The following CSHL1 variants were observed in gnomAD, a reference collection of about 807,000 sequenced individuals.
CSHL1 encodes the protein chorionic somatomammotropin hormone-like 1.
In CSHL1, 25 loss-of-function variants were observed where a neutral mutation model predicts 24.3. The ratio of observed to expected loss-of-function variants is 1.03; its 90% CI spans 0.75 to 1.44. The LOEUF is 1.44. CSHL1 is among the 40% of genes most tolerant of loss of function. CSHL1 has a pLI of 0.00. For synonymous variants in CSHL1, 157 were observed against 115.6 expected (o/e 1.36, Z -2.30); for missense variants, 342 against 279.3 (o/e 1.22, Z -1.60).
At chr17:63,911,131 G>A (rs1215542296) in intron 1 of CSHL1, 56 bp downstream of exon 1, 1 of 1,612,392 alleles carries the variant, frequency 6.2e-7, no homozygotes, top group East Asian at 2.2e-5. Context: ...CATCTGCAGG[G>A]CGCCGCCTCT....
At chr17:63,910,067 G>A (rs192427698) in intron 4 of CSHL1, 95 bp downstream of exon 4, 16 of 1,614,150 alleles carry the variant, frequency 9.9e-6, no homozygotes, top group African/African-American at 2.7e-5. Context: ...TTGGGTCAGC[G>A]CCTGACTGCT....
rs1224507418 is a variant in CSHL1 at position 63,909,829 on chromosome 17, T to A, written c.551A>T (p.His184Leu). The A allele has an allele frequency of 2.2e-5, 36 of 1,613,910 alleles. No individual in the cohort carries two copies. The highest frequency in any genetic ancestry group is 3.1e-5 in the Non-Finnish European group (36 of 1,179,862). Residue 184 changes from histidine (H) to leucine (L), a missense_variant, in exon 5 of 5, where the codon CAT (histidine) becomes CTT (leucine). Coordinates refer to ENST00000309894, the MANE Select transcript of CSHL1 (RefSeq NM_022579.3). ...CCCGTAGTTCTTGAGCAGTGCGTCA[T>A]GGTTGTGCGAGTTTGTGTCAAACTT... ...YSKFDTNSHN[H>L]DALLKNYGLL...
intron 1 of CSHL1, 22 bp from the exon 2 acceptor site, chr17:63,910,946 A>G (rs746256991): frequency 1.9e-6 from 3 of 1,612,766 alleles, no homozygotes; most frequent in African/African-American, 2.7e-5. Flanking sequence ...CCGGAGGGCA[A>G]GAAGGGAGCC....
In CSHL1 at chr17:63,910,939, G is replaced by C. The variant is rs1906953059; in HGVS notation, c.11-15C>G. 1 of 1,613,674 alleles carries C rather than the reference G, an allele frequency of 6.2e-7. No individual in the cohort carries two copies. The highest frequency in any genetic ancestry group is 8.5e-7 in the Non-Finnish European group (1 of 1,179,922). On this transcript the variant is annotated splice_polypyrimidine_tract_variant and intron_variant, in intron 1 of 4. Coordinates refer to ENST00000309894, the MANE Select transcript of CSHL1 (RefSeq NM_022579.3). Reference sequence around the variant, plus strand: ...CGTCCGGGAGCCTGGGGAGAAACCGGAGGGCAAGAAGGGAGCCGCAGAGCA... The same window carrying C: ...CGTCCGGGAGCCTGGGGAGAAACCGCAGGGCAAGAAGGGAGCCGCAGAGCA...
rs146908988 is a variant in CSHL1, at chr17:63,909,750, C to G, written c.630G>C (p.Met210Ile). The change falls in exon 5 of 5, where the codon ATG becomes ATC. Residue 210 changes from methionine (M) to isoleucine (I), a missense_variant. Coordinates refer to ENST00000309894, the MANE Select transcript of CSHL1 (RefSeq NM_022579.3). ...DMDKVETFLR[M>I]VQCRSVEGSC... The stretch of plus-strand genomic sequence containing the variant: ...TGCCCTCCACAGAGCGGCACTGCAC[C>G]ATGCGCAGGAATGTCTCGACCTTGT... 3,033 of 1,613,796 alleles carry G rather than the reference C, an allele frequency of 1.9e-3. 59 individuals are homozygous for G. The African/African-American group carries it at 0.035, about 19-fold the overall frequency.
Position 63,909,755 on chromosome 17 carries a change from G to C in CSHL1, c.625C>G (p.Arg209Gly), listed in dbSNP as rs778533335. The C allele has an allele frequency of 7.4e-6, 12 of 1,614,106 alleles. No individual in the cohort carries two copies. The highest frequency in any genetic ancestry group is 1.7e-4 in the Middle Eastern group (1 of 6,060). ...KDMDKVETFL[R>G]MVQCRSVEGS... is the part of the protein sequence containing the mutation. ...TCCACAGAGCGGCACTGCACCATGC[G>C]CAGGAATGTCTCGACCTTGTCCATG... is the stretch of plus-strand genomic sequence containing the variant. Residue 209 changes from arginine (R) to glycine (G), a missense_variant, in exon 5 of 5, where the codon CGC becomes GGC. Physicochemically the swap from Arg to Gly is moderately radical, Grantham distance 125. Coordinates refer to ENST00000309894, the MANE Select transcript of CSHL1 (RefSeq NM_022579.3).
Position 63,910,294 on chromosome 17 carries a change from G to T in CSHL1, c.339C>A (p.Leu113=), listed in dbSNP as rs775926324. The change falls in exon 4 of 5, where the codon CTC becomes CTA. Residue 113 remains leucine, a synonymous_variant. Transcript: ENST00000309894. The part of the protein sequence containing the change: ...NLELLHISLL[L]IESRLEPVRF... ...GCACGGGCTCCAGCCGCGACTCGAT[G>T]AGCAGCAGGGAGATGTGGAGCAGCT... The T allele has an allele frequency of 1.2e-6, 2 of 1,614,024 alleles. No homozygotes were observed. Among genetic ancestry groups the T allele is most frequent in the African/African-American group, 2.7e-5 (2 of 74,928 alleles).
In CSHL1 at chr17:63,909,615, C is replaced by G. The variant is rs1906666624; in HGVS notation, c.*96G>C. On this transcript the variant is annotated 3_prime_UTR_variant, in exon 5 of 5. Transcript: ENST00000309894. ...CACCTAGTCAGATGAAACAATACAA[C>G]TTAATTTTATTAAGACAAGGCTGGT... is the stretch of plus-strand genomic sequence containing the variant. The G allele has an allele frequency of 5.1e-5, 82 of 1,594,056 alleles. 1 individual carries two copies. The South Asian group carries it at 8.5e-4, about 17-fold the overall frequency.
At chr17:63,911,118 T>A in intron 1 of CSHL1, 69 bp downstream of exon 1, 1 of 1,612,122 alleles carries the variant, frequency 6.2e-7, no homozygotes, top group Non-Finnish European at 8.5e-7. Context: ...AGTGCCCCCG[T>A]CCCATCTGCA....
chr17:63,910,877 A>G lies in CSHL1; in HGVS notation c.58T>C (p.Trp20Arg), dbSNP rs779355923. The G allele has an allele frequency of 1.9e-5, 31 of 1,614,076 alleles. No individual in the cohort carries two copies. The highest frequency in any genetic ancestry group is 2.5e-5 in the Non-Finnish European group (30 of 1,180,046). ...TGGACGGCACCAGCCTCTTGAAGCC[A>G]GGGCAGGCAGAGCAGGGCAAAAGCC... ...LLAFALLCLP[W>R]LQEAGAVQTV... The change falls in exon 2 of 5, where the codon TGG becomes CGG. Residue 20 changes from tryptophan (W) to arginine (R), a missense_variant. Coordinates refer to ENST00000309894, the MANE Select transcript of CSHL1 (RefSeq NM_022579.3).
chr17:63,910,162 C>A lies in CSHL1; in HGVS notation c.471G>T (p.Gly157=), dbSNP rs866448183. Residue 157 remains glycine (G), a splice_region_variant and synonymous_variant, in exon 4 of 5, where the codon GGG becomes GGT. Coordinates refer to ENST00000309894, the MANE Select transcript of CSHL1 (RefSeq NM_022579.3). ...DLEEGIQMLM[G]RLEDGSHLTG... ...TGGGGACCCCTGGTGCCACCCTCAC[C>A]CCCATCAGCATTTGGATGCCTTCCT... is the stretch of plus-strand genomic sequence containing the variant. 6.2e-7 allele frequency: 1 copy of A among 1,614,078 alleles called. No individual in the cohort carries two copies. Among genetic ancestry groups the A allele is most frequent in the Non-Finnish European group, 8.5e-7 (1 of 1,180,044 alleles).
Position 63,909,685 on chromosome 17 carries a change from G to C in CSHL1, c.*26C>G. ...TCAGGGCCAGGAGAGGCACTGGGGA[G>C]GGGTCACAGGATGCCACGCGGGCCC... On this transcript the variant is annotated 3_prime_UTR_variant, in exon 5 of 5. Transcript: ENST00000309894. The C allele has an allele frequency of 6.2e-7, 1 of 1,614,096 alleles. No individual in the cohort carries two copies. The highest frequency in any genetic ancestry group is 8.5e-7 in the Non-Finnish European group (1 of 1,180,014).
intron 2 of CSHL1, 88 bp from the exon 3 acceptor site, chr17:63,910,623 G>T (rs1906891535): frequency 6.2e-7 from 1 of 1,613,912 alleles, no homozygotes; most frequent in Non-Finnish European, 8.5e-7. Context: ...TGGGAACCTG[G>T]CTCAGCCTAT....
At position 63,911,247 on chromosome 17, in the gene CSHL1, C is replaced by T. The variant is rs376521894; in HGVS notation, c.-51G>A. ...ACCCTGAGTGGTGCGGGGAGTCGGG[C>T]CTTGGGATGCTGGAGCTGGTCTCTT... On this transcript the variant is annotated 5_prime_UTR_variant, in exon 1 of 5. Coordinates refer to ENST00000309894, the MANE Select transcript of CSHL1 (RefSeq NM_022579.3). 6.5e-5 allele frequency: 105 copies of T among 1,613,858 alleles called. No homozygotes were observed. Among genetic ancestry groups the T allele is most frequent in the Non-Finnish European group, 8.7e-5 (103 of 1,179,876 alleles).
Position 63,911,235 on chromosome 17 carries a change from C to G in CSHL1, c.-39G>C, listed in dbSNP as rs368972424. ...GCTGTCCACAGGACCCTGAGTGGTG[C>G]GGGGAGTCGGGCCTTGGGATGCTGG... is the stretch of plus-strand genomic sequence containing the variant. On this transcript the variant is annotated 5_prime_UTR_variant, in exon 1 of 5. Coordinates refer to ENST00000309894, the MANE Select transcript of CSHL1 (RefSeq NM_022579.3). 3.1e-6 allele frequency: 5 copies of G among 1,613,872 alleles called. No homozygotes were observed. Among genetic ancestry groups the G allele is most frequent in the South Asian group, 2.2e-5 (2 of 91,074 alleles).
At position 63,910,562 on chromosome 17, in the gene CSHL1, A is replaced by G. The variant is rs758494674; in HGVS notation, c.191-27T>C. 4.3e-6 allele frequency: 7 copies of G among 1,614,160 alleles called. No individual in the cohort carries two copies. The South Asian group carries it at 6.6e-5, about 15-fold the overall frequency. On this transcript the variant is annotated intron_variant, in intron 2 of 4. Transcript: ENST00000309894. ...TTCCTAGGGGAAGGACCCCCCACCA[A>G]GAAGGACCACTGCTTTCTATGCTGG...
At chr17:63,910,693 T>C (rs766947010) in intron 2 of CSHL1, 52 bp downstream of exon 2, 2 of 1,614,172 alleles carry the variant, frequency 1.2e-6, no homozygotes, top group Admixed American at 3.3e-5. Context: ...TCTCCTCCCA[T>C]TACTTCCCCA....
chr17:63,911,117 G>T lies in CSHL1; in HGVS notation c.10+70C>A, dbSNP rs61762506. ...CCCCAAACCTGAGGTTAGTGCCCCCGTCCCATCTGCAGGGCGCCGCCTCTC... is the reference window on the plus strand; with the variant it reads ...CCCCAAACCTGAGGTTAGTGCCCCCTTCCCATCTGCAGGGCGCCGCCTCTC... On this transcript the variant is annotated intron_variant, in intron 1 of 4. Coordinates refer to ENST00000309894, the MANE Select transcript of CSHL1 (RefSeq NM_022579.3). 3,048 of 1,612,032 alleles carry T rather than the reference G, an allele frequency of 1.9e-3. 85 individuals carry two copies. In the African/African-American group the frequency reaches 0.031, roughly 16 times the overall value.
rs768199595 is a variant in CSHL1, at chr17:63,910,667, A to C, written c.190+78T>G. On this transcript the variant is annotated intron_variant, in intron 2 of 4. Transcript: ENST00000309894. ...GCCTGCATTTTCGCTTCAGAAAACAACCCTGAGCTCCTTAGTCTCCTCCCA... is the reference window on the plus strand; with the variant it reads ...GCCTGCATTTTCGCTTCAGAAAACACCCCTGAGCTCCTTAGTCTCCTCCCA... The C allele has an allele frequency of 5.6e-6, 9 of 1,613,898 alleles. No homozygotes were observed. In the Admixed American group the frequency reaches 1.5e-4, roughly 27 times the overall value.
Sources: gnomAD v4.1 joint callset for allele counts on GRCh38, gnomAD v4.1.1 for gene constraint, MANE v1.5 for transcripts, NCBI Gene and HGNC (gene_info 2026-07-23, HGNC 2026-07-21) for gene names.